The following PARD6G variants were observed in gnomAD, a reference collection of about 807,000 sequenced individuals.
PARD6G encodes the protein partitioning defective 6 homolog gamma.
A neutral mutation model predicts 10.7 loss-of-function variants in PARD6G; 7 were observed. The ratio of observed to expected loss-of-function variants is 0.66; its 90% CI spans 0.37 to 1.23. The LOEUF (loss-of-function observed/expected upper bound fraction) is 1.23. Ranked by LOEUF, PARD6G falls within the 50% of genes most tolerant of loss-of-function variation. The pLI is 0.02. For synonymous variants in PARD6G, 287 were observed against 269.4 expected, an observed-to-expected ratio of 1.07 and a Z score of -0.64; for missense variants, 548 against 571.8, an observed-to-expected ratio of 0.96 and a Z score of 0.42.
At chr18:80,211,238 C>G (rs915262099) in intron 1 of PARD6G, among the ~76,000 whole-genome samples, 1 of 152,094 alleles carries the variant, frequency 6.6e-6, no homozygotes, top group African/African-American at 2.4e-5. Flanking sequence ...TCTTAAAATT[C>G]TTTTAGAGGA....
chr18:80,159,905 G>A lies in PARD6G; in HGVS notation c.997C>T (p.Gln333Ter). Reference protein sequence around the residue: ...LSRVNGAGLAQRLQRDLALDG... With the variant: ...LSRVNGAGLA Reference sequence around the variant, plus strand: ...AGGGCCAGGTCCCGCTGCAGCCGCTGCGCCAGGCCCGCGCCATTGACCCGG... The same window carrying A: ...AGGGCCAGGTCCCGCTGCAGCCGCTACGCCAGGCCCGCGCCATTGACCCGG... Residue 333 changes from glutamine to a stop codon, truncating the protein, a stop_gained, in exon 3 of 3, where the codon CAG becomes TAG. Coordinates refer to ENST00000353265, the MANE Select transcript of PARD6G (RefSeq NM_032510.4). LOFTEE classifies it low-confidence loss of function (END_TRUNC). The A allele has an allele frequency of 6.6e-7, 1 of 1,514,022 alleles. No homozygotes were observed. The highest frequency in any genetic ancestry group is 8.8e-7 in the Non-Finnish European group (1 of 1,137,682). The allele number at this position is 1,514,022 out of a possible 1,614,324, so 93.8% of individuals were successfully genotyped here. A position where few individuals can be genotyped will look rare whatever the true frequency, so the allele number is the denominator to read the frequency against.
At chr18:80,234,083 T>A (rs1599876726) in intron 1 of PARD6G, among the ~76,000 whole-genome samples, 1 of 152,176 alleles carries the variant, frequency 6.6e-6, no homozygotes. Flanking sequence ...CAGCTCACCA[T>A]GAGTGAAGCT....
chr18:80,191,494 T>G (rs1966896477), intron 2 of PARD6G, among the ~76,000 whole-genome samples: 1 of 152,220 alleles, frequency 6.6e-6, no homozygotes, highest in Non-Finnish European at 1.5e-5. Flanking sequence ...AGCCCCCATG[T>G]GTGTCCCTGG....
Position 80,246,785 on chromosome 18 carries a change from T to G in PARD6G, c.72+492A>C, listed in dbSNP as rs1180193468. ...ACCGAGCGGGTGGGGGACGCCGGGC[T>G]CGGAGCCGGCGGCAAGTCTCCTCCT... On this transcript the variant is annotated intron_variant, in intron 1 of 2. Transcript: ENST00000353265. The surrounding 1 kb of genome is among the most constrained non-coding windows in gnomAD (Gnocchi z 6.7). Among the ~76,000 whole-genome samples the G allele has an allele frequency of 6.6e-6, 1 of 151,708 alleles. No individual in the cohort carries two copies. Among genetic ancestry groups the G allele is most frequent in the African/African-American group, 2.4e-5 (1 of 41,262 alleles).
rs1302254667 is a variant in PARD6G, at chr18:80,247,096, G to C, written c.72+181C>G. ...CTGCCGGGCTTTGTGTCCGCGCGGG[G>C]GGCGGGAAGGACGGCCGGGGTCCCC... On this transcript the variant is annotated intron_variant, in intron 1 of 2. Coordinates refer to ENST00000353265, the MANE Select transcript of PARD6G (RefSeq NM_032510.4). This position sits in a 1 kb window ranked among gnomAD's most constrained non-coding sequence, Gnocchi z 4.2. Among the ~76,000 whole-genome samples the C allele has an allele frequency of 6.6e-6, 1 of 152,112 alleles. No homozygotes were observed. The highest frequency in any genetic ancestry group is 1.5e-5 in the Non-Finnish European group (1 of 68,002).
At chr18:80,213,946 C>CAAA (rs36051371) in intron 1 of PARD6G, among the ~76,000 whole-genome samples, 17 of 115,730 alleles carry the variant, frequency 1.5e-4, no homozygotes, top group East Asian at 2.6e-4. Flanking sequence ...GACTCCATCT[C>CAAA]AAAAAAAAAA....
Position 80,246,843 on chromosome 18 carries a change from G to A in PARD6G, c.72+434C>T, listed in dbSNP as rs1432471094. On this transcript the variant is annotated intron_variant, in intron 1 of 2. Transcript: ENST00000353265. This position sits in a 1 kb window ranked among gnomAD's most constrained non-coding sequence, Gnocchi z 6.7. ...AACAAGCCTCCTTTGCAGCCTTGAAGGCGCCTTGGCCAGGGCCATCCCACG... is the reference window on the plus strand; with the variant it reads ...AACAAGCCTCCTTTGCAGCCTTGAAAGCGCCTTGGCCAGGGCCATCCCACG... Among the ~76,000 whole-genome samples, 1 of 152,078 alleles carries A rather than the reference G, an allele frequency of 6.6e-6. No individual in the cohort carries two copies. The highest frequency in any genetic ancestry group is 1.5e-5 in the Non-Finnish European group (1 of 67,976).
At chr18:80,232,278 A>C (rs1039152632) in intron 1 of PARD6G, among the ~76,000 whole-genome samples, 2 of 152,164 alleles carry the variant, frequency 1.3e-5, no homozygotes, top group African/African-American at 4.8e-5. Flanking sequence ...CCTCCACTGC[A>C]GAAAGCCTAC....
At chr18:80,196,565 T>C (rs1404577308) in intron 2 of PARD6G, among the ~76,000 whole-genome samples, 1 of 152,220 alleles carries the variant, frequency 6.6e-6, no homozygotes, top group African/African-American at 2.4e-5. Flanking sequence ...ACCATTTACA[T>C]ACAAGGTGTT....
chr18:80,174,476 T>G (rs777888763), intron 2 of PARD6G, among the ~76,000 whole-genome samples: 6 of 151,914 alleles, frequency 3.9e-5, no homozygotes, highest in Admixed American at 6.6e-5. Context: ...CCACAAGTGC[T>G]TTTAATCACG....
intron 2 of PARD6G, among the ~76,000 whole-genome samples, chr18:80,167,043 TACC>T (rs1437028709): frequency 1.3e-5 from 2 of 152,088 alleles, no homozygotes; most frequent in Non-Finnish European, 2.9e-5. Flanking sequence ...ATGGAATAAT[TACC>T]ACTTTTCAGG....
chr18:80,237,768 AG>A (rs1967441446), intron 1 of PARD6G, among the ~76,000 whole-genome samples: 1 of 152,236 alleles, frequency 6.6e-6, no homozygotes, highest in Non-Finnish European at 1.5e-5. Flanking sequence ...ACTGGCCATC[AG>A]AGAAATGCAA....
intron 1 of PARD6G, among the ~76,000 whole-genome samples, chr18:80,213,420 G>C (rs775846076): frequency 1.3e-5 from 2 of 152,198 alleles, no homozygotes; most frequent in Admixed American, 6.5e-5. Flanking sequence ...TGGACTACCA[G>C]AGTGTTGAAG....
chr18:80,159,761 T>C lies in PARD6G; in HGVS notation c.*10A>G, dbSNP rs1400240319. 2.1e-6 allele frequency: 3 copies of C among 1,395,474 alleles called. No individual in the cohort carries two copies. In the South Asian group the frequency reaches 5.1e-5, roughly 24 times the overall value. The allele number at this position is 1,395,474 out of a possible 1,614,324, so 86.4% of individuals were successfully genotyped here. ...GAACTGGAGCTAGGATTTGGGGGCC[T>C]CTCGGGAGTCTAGAGCGTGACCGCG... On this transcript the variant is annotated 3_prime_UTR_variant, in exon 3 of 3. Transcript: ENST00000353265.
rs990721094 is a variant in PARD6G, at chr18:80,200,100, T to C, written c.295+2610A>G. 3.9e-5 allele frequency among the ~76,000 whole-genome samples: 6 copies of C among 152,160 alleles called. No homozygotes were observed. The highest frequency in any genetic ancestry group is 1.4e-4 in the African/African-American group (6 of 41,428). On this transcript the variant is annotated intron_variant, in intron 2 of 2. Coordinates refer to ENST00000353265, the MANE Select transcript of PARD6G (RefSeq NM_032510.4). This position sits in a 1 kb window ranked among gnomAD's most constrained non-coding sequence, Gnocchi z 4.4. The stretch of plus-strand genomic sequence containing the variant: ...GAAAGTTATTAAGTAAATGACACAG[T>C]GGGTACGGCTGCAGTAGAATCTTGA...
chr18:80,214,530 T>C (rs1233741805), intron 1 of PARD6G, among the ~76,000 whole-genome samples: 1 of 151,938 alleles, frequency 6.6e-6, no homozygotes, highest in African/African-American at 2.4e-5. Context: ...ATTATAAAAG[T>C]AGACCCAAGT....
chr18:80,185,198 A>G (rs1008902069), intron 2 of PARD6G, among the ~76,000 whole-genome samples: 4 of 152,182 alleles, frequency 2.6e-5, no homozygotes, highest in Non-Finnish European at 4.4e-5. Context: ...CCCTTGCTCT[A>G]TCCTTGGATA....
chr18:80,199,523 C>G (rs534446129), intron 2 of PARD6G, among the ~76,000 whole-genome samples: 1 of 152,260 alleles, frequency 6.6e-6, no homozygotes, highest in African/African-American at 2.4e-5. Flanking sequence ...GTGCATTTTT[C>G]CATGTGCTAG....
intron 1 of PARD6G, among the ~76,000 whole-genome samples, chr18:80,222,060 C>T (rs981520625): frequency 6.6e-6 from 1 of 151,830 alleles, no homozygotes; most frequent in Non-Finnish European, 1.5e-5. Context: ...ATTTCATGCT[C>T]ATGGATTAGA....
Sources: allele counts gnomAD v4.1 joint callset (sites outside exome capture counted in the v4.1 genomes callset), GRCh38; gene constraint gnomAD v4.1.1; non-coding constraint Gnocchi (gnomAD v3.1); transcripts MANE v1.5; gene names NCBI Gene and HGNC (gene_info 2026-07-23, HGNC 2026-07-21).